The following MLLT3 variants were observed in gnomAD, a reference collection of about 807,000 sequenced individuals.
MLLT3 encodes the protein MLLT3 super elongation complex subunit.
In MLLT3, 4 loss-of-function variants were observed where a neutral mutation model predicts 53.2. The observed-to-expected ratio is 0.08, with a 90% CI of 0.04 to 0.17. The LOEUF (loss-of-function observed/expected upper bound fraction) is 0.17. Ranked by LOEUF, MLLT3 falls within the 10% of genes least tolerant of loss-of-function variation. The pLI is 1.00. For synonymous variants in MLLT3, 283 were observed against 230.6 expected (o/e 1.23, Z -2.06); for missense variants, 569 against 684.0 (o/e 0.83, Z 1.87).
At chr9:20,399,268 G>T (rs1471602585) in intron 5 of MLLT3, among the ~76,000 whole-genome samples, 1 of 152,014 alleles carries the variant, frequency 6.6e-6, no homozygotes, top group Non-Finnish European at 1.5e-5. Flanking sequence ...AAGACTCCTC[G>T]ACTAGACATG....
At chr9:20,482,454 G>A (rs763537420) in intron 2 of MLLT3, among the ~76,000 whole-genome samples, 1 of 151,974 alleles carries the variant, frequency 6.6e-6, no homozygotes, top group Non-Finnish European at 1.5e-5. Flanking sequence ...CCCCTTCTCG[G>A]GTCATTGGAA....
chr9:20,422,860 G>A (rs1401108194), intron 4 of MLLT3, among the ~76,000 whole-genome samples: 3 of 152,208 alleles, frequency 2.0e-5, no homozygotes, highest in Admixed American at 6.5e-5. Flanking sequence ...GATGGTGACA[G>A]TGGTGGCAGC....
intron 2 of MLLT3, among the ~76,000 whole-genome samples, chr9:20,579,489 C>G (rs571482133): frequency 6.6e-6 from 1 of 151,810 alleles, no homozygotes; most frequent in Non-Finnish European, 1.5e-5. Context: ...TACAAAGAGC[C>G]CATGAGAAGA....
At chr9:20,457,594 C>T (rs1305786909) in intron 2 of MLLT3, among the ~76,000 whole-genome samples, 3 of 152,046 alleles carry the variant, frequency 2.0e-5, no homozygotes, top group Non-Finnish European at 4.4e-5. Context: ...TTAGAAAATC[C>T]CAAACCCAGA....
chr9:20,563,985 C>G (rs1819285384), intron 2 of MLLT3, among the ~76,000 whole-genome samples: 1 of 152,146 alleles, frequency 6.6e-6, no homozygotes, highest in African/African-American at 2.4e-5. Context: ...CAAGTAAAAT[C>G]CATCTCCAGC....
intron 5 of MLLT3, among the ~76,000 whole-genome samples, chr9:20,369,145 A>G (rs942229401): frequency 2.0e-5 from 3 of 152,234 alleles, no homozygotes; most frequent in Non-Finnish European, 4.4e-5. Flanking sequence ...GGGACCAACC[A>G]TGCTGATGAG....
rs543672849 is a variant in MLLT3, at chr9:20,346,379, C to CAAAAAAAAAAAAAAACAAAAAAAAA, written c.*63_*64insTTTTTTTTTGTTTTTTTTTTTTTTT. The CAAAAAAAAAAAAAAACAAAAAAAAA allele has an allele frequency of 2.0e-6, 2 of 985,704 alleles. No homozygotes were observed. The highest frequency in any genetic ancestry group is 2.6e-6 in the Non-Finnish European group (2 of 762,466). 61.1% of individuals were successfully genotyped at this position (985,704 alleles called of 1,614,324 possible). On this transcript the variant is annotated 3_prime_UTR_variant, in exon 11 of 11. Coordinates refer to ENST00000380338, the MANE Select transcript of MLLT3 (RefSeq NM_004529.4). ...AACAACAAGAACAAAAAATCACAAC[C>CAAAAAAAAAAAAAAACAAAAAAAAA]AAAAAAAAAAAAAACCAAAAAAAAA...
intron 5 of MLLT3, among the ~76,000 whole-genome samples, chr9:20,382,960 A>G (rs529475704): frequency 6.6e-6 from 1 of 152,030 alleles, no homozygotes; most frequent in Admixed American, 6.6e-5. Flanking sequence ...TTCTGTAAAC[A>G]GGGTAAAGTC....
intron 2 of MLLT3, among the ~76,000 whole-genome samples, chr9:20,469,326 C>A (rs1193869418): frequency 6.6e-6 from 1 of 152,076 alleles, no homozygotes; most frequent in East Asian, 1.9e-4. Context: ...AAAATTAAAT[C>A]AACTGTTTGC....
intron 4 of MLLT3, among the ~76,000 whole-genome samples, chr9:20,416,939 T>C (rs1822886366): frequency 6.6e-6 from 1 of 152,116 alleles, no homozygotes; most frequent in Admixed American, 6.5e-5. Flanking sequence ...GTTCATGTAA[T>C]ACATGTAAAA....
At chr9:20,424,841 C>T (rs1404787901) in intron 4 of MLLT3, among the ~76,000 whole-genome samples, 1 of 152,168 alleles carries the variant, frequency 6.6e-6, no homozygotes, top group Non-Finnish European at 1.5e-5. Flanking sequence ...ACCTATACCA[C>T]AAAGTGAGCC....
At chr9:20,566,258 G>A (rs1052232025) in intron 2 of MLLT3, among the ~76,000 whole-genome samples, 3 of 151,064 alleles carry the variant, frequency 2.0e-5, no homozygotes, top group African/African-American at 7.3e-5. Context: ...GGCCAACATG[G>A]TGAAACCCAG....
At chr9:20,442,097 T>C (rs1823569685) in intron 4 of MLLT3, among the ~76,000 whole-genome samples, 1 of 152,150 alleles carries the variant, frequency 6.6e-6, no homozygotes, top group Non-Finnish European at 1.5e-5. Context: ...AATGTGGTCT[T>C]TGAAAGGAAA....
At chr9:20,619,902 G>C (rs1467985492) in intron 2 of MLLT3, among the ~76,000 whole-genome samples, 5 of 152,004 alleles carry the variant, frequency 3.3e-5, no homozygotes, top group Admixed American at 3.3e-4. Context: ...CCTCCACATC[G>C]TTCCTCTTCA....
chr9:20,396,369 C>T (rs1822321692), intron 5 of MLLT3, among the ~76,000 whole-genome samples: 1 of 151,902 alleles, frequency 6.6e-6, no homozygotes, highest in Non-Finnish European at 1.5e-5. Flanking sequence ...TTTTTACTAC[C>T]CTTTGATTCA....
intron 2 of MLLT3, among the ~76,000 whole-genome samples, chr9:20,519,702 T>G (rs1037005973): frequency 1.3e-5 from 2 of 152,178 alleles, no homozygotes; most frequent in Non-Finnish European, 2.9e-5. Flanking sequence ...AAATAACAGA[T>G]GCTGGCAAGG....
At chr9:20,347,666 G>GT (rs1820911194) in intron 10 of MLLT3, among the ~76,000 whole-genome samples, 1 of 152,012 alleles carries the variant, frequency 6.6e-6, no homozygotes, top group African/African-American at 2.4e-5. Context: ...TGGGCACAGC[G>GT]TTTTTTGGGG....
chr9:20,524,894 C>T (rs957002424), intron 2 of MLLT3, among the ~76,000 whole-genome samples: 1 of 152,036 alleles, frequency 6.6e-6, no homozygotes, highest in African/African-American at 2.4e-5. Flanking sequence ...AGGAAAAAGA[C>T]AAATGCTAAA....
intron 2 of MLLT3, chr9:20,533,423 T>C (rs140583732): frequency 1.5e-3 from 240 of 163,140 alleles, no homozygotes; most frequent in East Asian, 0.014. Flanking sequence ...GAAAAGAAAA[T>C]GTCATCTTGA....
Sources: gnomAD v4.1 joint callset for allele counts (sites outside exome capture counted in the v4.1 genomes callset) on GRCh38, gnomAD v4.1.1 for gene constraint, MANE v1.5 for transcripts, NCBI Gene and HGNC (gene_info 2026-07-23, HGNC 2026-07-21) for gene names.